Variants in ATRNL1 observed in about 807,000 individuals in gnomAD.
The protein encoded by ATRNL1 is attractin-like protein 1.
In ATRNL1, 95 loss-of-function variants were observed where a neutral mutation model predicts 182.7. The observed-to-expected ratio is 0.52, with a 90% CI of 0.44 to 0.62. The LOEUF is 0.62. Among genes scored for constraint, ATRNL1 ranks in the 20% least tolerant of loss-of-function variants. The probability of loss-of-function intolerance (pLI) is 0.00; values close to 1 mark genes in which losing one functional copy is unlikely to be tolerated. For missense variants in ATRNL1, 1,471 were observed against 1,679.5 expected, an observed-to-expected ratio of 0.88 and a Z score of 2.17; for synonymous variants, 576 against 568.3, an observed-to-expected ratio of 1.01 and a Z score of -0.19.
chr10:115,293,603 C>T (rs1253611011), intron 15 of ATRNL1, among the ~76,000 whole-genome samples: 1 of 152,042 alleles, frequency 6.6e-6, no homozygotes, highest in East Asian at 1.9e-4. Context: ...ATCATCTTTT[C>T]TGTTCTAGAT....
intron 26 of ATRNL1, among the ~76,000 whole-genome samples, chr10:115,578,135 T>A (rs1854840164): frequency 6.6e-6 from 1 of 151,758 alleles, no homozygotes; most frequent in African/African-American, 2.4e-5. Context: ...CTTTTTGTTG[T>A]GTTGTTGTAT....
At chr10:115,326,381 A>G (rs1178595579) in intron 18 of ATRNL1, among the ~76,000 whole-genome samples, 3 of 152,162 alleles carry the variant, frequency 2.0e-5, no homozygotes, top group African/African-American at 7.2e-5. Flanking sequence ...TTAAAGGGAC[A>G]TGAAGGAACT....
chr10:115,646,944 TC>T (rs1174461890), intron 26 of ATRNL1, among the ~76,000 whole-genome samples: 8 of 21,188 alleles, frequency 3.8e-4, no homozygotes, highest in African/African-American at 8.5e-4. Context: ...CCCTCCCCCC[TC>T]CCCCCCTCCC....
chr10:115,366,950 C>T (rs1857078394), intron 19 of ATRNL1, among the ~76,000 whole-genome samples: 1 of 142,574 alleles, frequency 7.0e-6, no homozygotes, highest in Non-Finnish European at 1.5e-5. Context: ...CTGCCCTTAA[C>T]ATTTTTTCCT....
intron 20 of ATRNL1, among the ~76,000 whole-genome samples, chr10:115,416,045 C>T (rs782617165): frequency 1.3e-5 from 2 of 151,956 alleles, no homozygotes; most frequent in Non-Finnish European, 2.9e-5. Context: ...TTACTTTTGT[C>T]CCTAAGCATT....
intron 28 of ATRNL1, among the ~76,000 whole-genome samples, chr10:115,935,905 G>T (rs1319834315): frequency 6.6e-6 from 1 of 152,104 alleles, no homozygotes; most frequent in Non-Finnish European, 1.5e-5. Flanking sequence ...ACACATGTAA[G>T]TCATGTGTTT....
At chr10:115,173,856 A>T (rs1847387598) in intron 8 of ATRNL1, among the ~76,000 whole-genome samples, 2 of 150,580 alleles carry the variant, frequency 1.3e-5, no homozygotes, top group African/African-American at 4.9e-5. Context: ...TTTAAAAAAA[A>T]TGTATTTCTT....
chr10:115,269,496 A>G (rs1554912103), intron 13 of ATRNL1, among the ~76,000 whole-genome samples: 1 of 151,914 alleles, frequency 6.6e-6, no homozygotes, highest in African/African-American at 2.4e-5. Flanking sequence ...CACCATGCCT[A>G]GCTAATTTTT....
intron 5 of ATRNL1, among the ~76,000 whole-genome samples, chr10:115,138,728 T>C (rs1424793480): frequency 6.6e-6 from 1 of 152,208 alleles, no homozygotes; most frequent in Non-Finnish European, 1.5e-5. Flanking sequence ...GAGGCGATGC[T>C]GTGAAGACCA....
chr10:115,132,164 A>G lies in ATRNL1; in HGVS notation c.829+2629A>G, dbSNP rs185511689. ...TCTCATTGTTCAATTCCCACCTATA[A>G]GTGAGAACACGCGGTGTTTGGTTTT... On this transcript the variant is annotated intron_variant, in intron 5 of 28. Transcript: ENST00000355044. Among the ~76,000 whole-genome samples the G allele has an allele frequency of 1.5e-3, 222 of 149,146 alleles. 1 individual carries two copies. Among genetic ancestry groups the G allele is most frequent in the African/African-American group, 5.4e-3 (211 of 39,076 alleles).
chr10:115,753,365 C>T (rs1359371428), intron 27 of ATRNL1, among the ~76,000 whole-genome samples: 2 of 152,034 alleles, frequency 1.3e-5, no homozygotes, highest in Non-Finnish European at 2.9e-5. Flanking sequence ...GTGATGTTCC[C>T]CTCCCTGTGT....
rs149181362 is a variant in ATRNL1 at position 115,615,838 on chromosome 10, A to C, written c.3795+66302A>C. Among the ~76,000 whole-genome samples, 266 of 152,208 alleles carry C rather than the reference A, an allele frequency of 1.7e-3. 1 individual carries two copies. The highest frequency in any genetic ancestry group is 6.1e-3 in the African/African-American group (254 of 41,520). On this transcript the variant is annotated intron_variant, in intron 26 of 28. Coordinates refer to ENST00000355044, the MANE Select transcript of ATRNL1 (RefSeq NM_207303.4). ...GCAGAACCGTGAGCCAAGTAAACCC[A>C]TTTTCTTTATAAATTACCCAGTCAC...
At chr10:115,405,270 A>G (rs886120398) in intron 20 of ATRNL1, among the ~76,000 whole-genome samples, 3 of 152,208 alleles carry the variant, frequency 2.0e-5, no homozygotes, top group Admixed American at 6.5e-5. Context: ...TAGAAAATAT[A>G]TCTGGTATAT....
intron 17 of ATRNL1, among the ~76,000 whole-genome samples, chr10:115,314,826 A>G (rs782061624): frequency 2.2e-4 from 33 of 152,186 alleles, no homozygotes; most frequent in Middle Eastern, 3.2e-3. Flanking sequence ...CAAAAAACCA[A>G]CAACAACAAA....
intron 17 of ATRNL1, among the ~76,000 whole-genome samples, chr10:115,303,517 G>A (rs1470932275): frequency 3.9e-5 from 6 of 152,112 alleles, no homozygotes; most frequent in African/African-American, 1.4e-4. Context: ...CACCGCGCCC[G>A]GCCGGTATCC....
intron 27 of ATRNL1, among the ~76,000 whole-genome samples, chr10:115,758,403 A>T (rs1167761826): frequency 3.3e-5 from 5 of 152,034 alleles, no homozygotes; most frequent in East Asian, 1.9e-4. Context: ...GGTCTGCTGG[A>T]GTTTGCTGGA....
chr10:115,171,160 G>T lies in ATRNL1; in HGVS notation c.1216G>T (p.Gly406Cys). Residue 406 changes from glycine to cysteine, a missense_variant, in exon 8 of 29, where the codon GGT (glycine) becomes TGT (cysteine). By Grantham distance (159) the Gly-to-Cys change is radical (BLOSUM62 -3). Coordinates refer to ENST00000355044, the MANE Select transcript of ATRNL1 (RefSeq NM_207303.4). Reference sequence around the variant, plus strand: ...AAAAACTCCTACTGTTCTTGGACATGGTCAGCAGTATGCTGTGGAGGGACA... The same window carrying T: ...AAAAACTCCTACTGTTCTTGGACATTGTCAGCAGTATGCTGTGGAGGGACA... ...STKTPTVLGH[G>C]QQYAVEGHSA... 1 of 1,611,642 alleles carries T rather than the reference G, an allele frequency of 6.2e-7. No homozygotes were observed. The highest frequency in any genetic ancestry group is 8.5e-7 in the Non-Finnish European group (1 of 1,178,388).
chr10:115,750,819 G>A (rs1163819357), intron 27 of ATRNL1, among the ~76,000 whole-genome samples: 1 of 151,966 alleles, frequency 6.6e-6, no homozygotes, highest in Non-Finnish European at 1.5e-5. Context: ...AAGATAGTTT[G>A]CATAACATAA....
chr10:115,361,212 T>C (rs1554944116), intron 19 of ATRNL1, among the ~76,000 whole-genome samples: 2 of 152,060 alleles, frequency 1.3e-5, no homozygotes, highest in Admixed American at 6.6e-5. Flanking sequence ...TTTTACCAAA[T>C]GGTGATTTTC....
Sources: allele counts gnomAD v4.1 joint callset (sites outside exome capture counted in the v4.1 genomes callset), GRCh38; gene constraint gnomAD v4.1.1; transcripts MANE v1.5; gene names NCBI Gene and HGNC (gene_info 2026-07-23, HGNC 2026-07-21).